Variants in C4orf17 observed in about 807,000 individuals in gnomAD.
C4orf17 encodes uncharacterized protein C4orf17.
A neutral mutation model predicts 32.0 loss-of-function variants in C4orf17; 25 were observed. The ratio of observed to expected loss-of-function variants is 0.78; its 90% CI spans 0.57 to 1.09. C4orf17 has a LOEUF of 1.09. Ranked by LOEUF, C4orf17 falls within the 50% of genes least tolerant of loss-of-function variation. The pLI is 0.00. For synonymous variants in C4orf17, 149 were observed against 145.8 expected, an observed-to-expected ratio of 1.02 and a Z score of -0.16; for missense variants, 420 against 420.0, an observed-to-expected ratio of 1.00 and a Z score of 0.00.
intron 7 of C4orf17, 100 bp downstream of exon 7, chr4:99,539,470 T>G: frequency 7.5e-6 from 7 of 933,768 alleles, no homozygotes; most frequent in South Asian, 1.4e-5. Flanking sequence ...CAGGAGGTTC[T>G]AAAGCTCCGC....
At chr4:99,528,236 G>A (rs1419637580) in intron 4 of C4orf17, among the ~76,000 whole-genome samples, 1 of 152,008 alleles carries the variant, frequency 6.6e-6, no homozygotes, top group Admixed American at 6.6e-5. Context: ...TTCAACAAAA[G>A]TTTATTCAAT....
At chr4:99,533,473 C>A (rs1723510296) in intron 5 of C4orf17, among the ~76,000 whole-genome samples, 1 of 152,178 alleles carries the variant, frequency 6.6e-6, no homozygotes. Context: ...TCAACCCAGA[C>A]TTCTGCCTGG....
intron 8 of C4orf17, 122 bp from the exon 9 acceptor site, chr4:99,541,788 G>C (rs1428029368): frequency 5.8e-6 from 4 of 688,716 alleles, no homozygotes; most frequent in Middle Eastern, 4.0e-4. Context: ...TGTGAATTTT[G>C]GGTGTATCTG....
intron 5 of C4orf17, among the ~76,000 whole-genome samples, chr4:99,532,865 G>C (rs1253286614): frequency 1.3e-5 from 2 of 152,208 alleles, no homozygotes; most frequent in Admixed American, 1.3e-4. Flanking sequence ...GTAGCTCAGA[G>C]AGCCTTTAAG....
At chr4:99,533,769 G>A (rs955261445) in intron 5 of C4orf17, among the ~76,000 whole-genome samples, 3 of 151,500 alleles carry the variant, frequency 2.0e-5, no homozygotes, top group Non-Finnish European at 4.4e-5. Context: ...GGAGTTCTAA[G>A]AAACCTTGAA....
At chr4:99,517,599 C>T (rs1723209765) in intron 2 of C4orf17, among the ~76,000 whole-genome samples, 1 of 151,600 alleles carries the variant, frequency 6.6e-6, no homozygotes, top group Non-Finnish European at 1.5e-5. Flanking sequence ...GATTCTGTAA[C>T]AATATATGCT....
chr4:99,529,481 G>T (rs1438427366), intron 4 of C4orf17, among the ~76,000 whole-genome samples: 2 of 152,154 alleles, frequency 1.3e-5, no homozygotes, highest in African/African-American at 4.8e-5. Context: ...CCATAAAAGA[G>T]AAATCTTCCC....
chr4:99,532,330 GA>G (rs1453347581), intron 5 of C4orf17, among the ~76,000 whole-genome samples: 2 of 152,104 alleles, frequency 1.3e-5, no homozygotes, highest in Non-Finnish European at 2.9e-5. Flanking sequence ...ATTGGATAAA[GA>G]AAATGTGGTA....
intron 3 of C4orf17, among the ~76,000 whole-genome samples, chr4:99,524,011 G>C (rs1276210909): frequency 2.7e-5 from 3 of 110,278 alleles, no homozygotes; most frequent in Non-Finnish European, 5.2e-5. Flanking sequence ...ACGGAGTCTT[G>C]CTCTGTCGCC....
At chr4:99,536,994 G>A (rs757638486) in intron 5 of C4orf17, among the ~76,000 whole-genome samples, 2 of 152,014 alleles carry the variant, frequency 1.3e-5, no homozygotes. Context: ...AGGTCATAGG[G>A]TAAATACTAG....
intron 7 of C4orf17, among the ~76,000 whole-genome samples, chr4:99,540,211 C>T (rs779639129): frequency 2.6e-5 from 4 of 151,492 alleles, no homozygotes; most frequent in African/African-American, 4.9e-5. Context: ...ACATATGATA[C>T]AATAGTTAAA....
intron 4 of C4orf17, among the ~76,000 whole-genome samples, chr4:99,527,137 T>C (rs1219179743): frequency 6.6e-6 from 1 of 152,176 alleles, no homozygotes; most frequent in East Asian, 1.9e-4. Flanking sequence ...ATATCCTTTT[T>C]AATTTCTTCT....
intron 5 of C4orf17, among the ~76,000 whole-genome samples, chr4:99,530,281 C>A (rs1723457100): frequency 6.6e-6 from 1 of 152,098 alleles, no homozygotes; most frequent in Non-Finnish European, 1.5e-5. Context: ...CTCTTAATGT[C>A]TTGCCGCAAT....
chr4:99,530,265 A>G (rs114887343), intron 5 of C4orf17, among the ~76,000 whole-genome samples: 6,543 of 152,198 alleles, frequency 0.043, 154 homozygotes, highest in Non-Finnish European at 0.056. Context: ...TACTTGAGAG[A>G]CACTACTCTT....
intron 5 of C4orf17, among the ~76,000 whole-genome samples, chr4:99,531,123 T>TG (rs34088755): frequency 3.0e-4 from 7 of 23,552 alleles, no homozygotes; most frequent in African/African-American, 1.9e-3. Flanking sequence ...TTACCCTTTG[T>TG]TTTTTTTTGC....
Position 99,529,929 on chromosome 4 carries a change from A to G in C4orf17, c.517A>G (p.Ile173Val). ...KNDVKANTIC[I>V]PNYLDQEIKI... ...TGATGTGAAAGCAAACACCATTTGC[A>G]TACCAAACTATCTGGATCAGGAAAT... Residue 173 changes from isoleucine (I) to valine (V), a missense_variant, in exon 5 of 9, where the codon ATA becomes GTA. Ile to Val is a conservative substitution (Grantham distance 29, BLOSUM62 3). Coordinates refer to ENST00000326581, the MANE Select transcript of C4orf17 (RefSeq NM_032149.3). The G allele has an allele frequency of 1.9e-6, 3 of 1,612,210 alleles. No homozygotes were observed. The highest frequency in any genetic ancestry group is 2.5e-6 in the Non-Finnish European group (3 of 1,179,060).
chr4:99,512,888 G>A (rs941143684), intron 1 of C4orf17, 101 bp from the exon 2 acceptor site: 2 of 596,502 alleles, frequency 3.4e-6, no homozygotes, highest in African/African-American at 3.7e-5. Context: ...GCTGTAACAT[G>A]AGAAACAATT....
intron 4 of C4orf17, among the ~76,000 whole-genome samples, chr4:99,528,157 G>T (rs1037161065): frequency 6.6e-6 from 1 of 152,104 alleles, no homozygotes; most frequent in African/African-American, 2.4e-5. Context: ...TCTGTAAGAA[G>T]TACCCTTTTA....
chr4:99,515,326 G>T (rs545276982), intron 2 of C4orf17, among the ~76,000 whole-genome samples: 176 of 152,012 alleles, frequency 1.2e-3, no homozygotes, highest in Non-Finnish European at 2.2e-3. Context: ...GCCGGATAAA[G>T]AAAATGTGGT....
Sources: allele counts gnomAD v4.1 joint callset (sites outside exome capture counted in the v4.1 genomes callset), GRCh38; gene constraint gnomAD v4.1.1; transcripts MANE v1.5; gene names NCBI Gene and HGNC (gene_info 2026-07-23, HGNC 2026-07-21).